Variants in AFF3 observed in about 807,000 individuals in gnomAD.
The protein encoded by AFF3 is AF4/FMR2 family member 3.
In AFF3, 32 loss-of-function variants were observed where a neutral mutation model predicts 129.7. That is an observed-to-expected ratio of 0.25 (90% confidence interval 0.19 to 0.33). The LOEUF (loss-of-function observed/expected upper bound fraction) is 0.33. AFF3 is among the 10% of genes least tolerant of loss of function. The pLI is 1.00. For missense variants in AFF3, 1,373 were observed against 1,592.0 expected (o/e 0.86, Z 2.34); for synonymous variants, 644 against 635.4 (o/e 1.01, Z -0.20).
intron 7 of AFF3, among the ~76,000 whole-genome samples, chr2:99,912,171 T>C (rs184585211): frequency 3.3e-4 from 51 of 152,322 alleles, no homozygotes; most frequent in Non-Finnish European, 6.0e-4. Context: ...GATTAGCCTA[T>C]AAAAGGAAGA....
chr2:100,015,491 C>T (rs191077291), intron 4 of AFF3, among the ~76,000 whole-genome samples: 430 of 152,238 alleles, frequency 2.8e-3, no homozygotes, highest in Non-Finnish European at 4.1e-3. Flanking sequence ...AGAGCAGCAG[C>T]GTAAGCACTG....
intron 13 of AFF3, among the ~76,000 whole-genome samples, chr2:99,627,086 G>GTATA (rs1414819790): frequency 1.3e-5 from 2 of 152,148 alleles, no homozygotes; most frequent in African/African-American, 2.4e-5. Context: ...ATTCCTTTGG[G>GTATA]TATATATCCA....
chr2:100,092,117 T>C (rs1689909866), intron 4 of AFF3, among the ~76,000 whole-genome samples: 1 of 152,152 alleles, frequency 6.6e-6, no homozygotes, highest in South Asian at 2.1e-4. Context: ...TCAGGATCTT[T>C]AGTAAACTTC....
chr2:99,812,501 G>A (rs973525156), intron 8 of AFF3, among the ~76,000 whole-genome samples: 4 of 152,078 alleles, frequency 2.6e-5, no homozygotes, highest in South Asian at 2.1e-4. Context: ...TCACGTACAC[G>A]GCATCGTCCA....
rs775385089 is a variant in AFF3, at chr2:100,006,960, C to T, written c.545G>A (p.Arg182Gln). 9.9e-6 allele frequency: 16 copies of T among 1,613,768 alleles called. No individual in the cohort carries two copies. Among genetic ancestry groups the T allele is most frequent in the Admixed American group, 3.3e-5 (2 of 60,000 alleles). The change falls in exon 7 of 25, where the codon CGG (arginine) becomes CAG (glutamine). Residue 182 changes from arginine (R) to glutamine (Q), a missense_variant. By Grantham distance (43) the Arg-to-Gln change is conservative (BLOSUM62 1). Transcript: ENST00000672756. Reference sequence around the variant, plus strand: ...CTCCACATTGCACACTTGTTTGGCCCGAGGCTGCTGTCTGCCAACACCATC... The same window carrying T: ...CTCCACATTGCACACTTGTTTGGCCTGAGGCTGCTGTCTGCCAACACCATC... ...LGDGVGRQQP[R>Q]AKQVCNVEVG...
At chr2:99,937,629 C>T (rs1162433046) in intron 7 of AFF3, among the ~76,000 whole-genome samples, 2 of 152,136 alleles carry the variant, frequency 1.3e-5, no homozygotes, top group African/African-American at 4.8e-5. Flanking sequence ...GAACTCCTGA[C>T]CTTGTGATCC....
At chr2:100,079,848 T>C (rs1440082658) in intron 4 of AFF3, among the ~76,000 whole-genome samples, 2 of 152,178 alleles carry the variant, frequency 1.3e-5, no homozygotes, top group African/African-American at 4.8e-5. Context: ...GTCAATAGAC[T>C]CACCACACAA....
intron 7 of AFF3, among the ~76,000 whole-genome samples, chr2:99,872,689 A>G (rs1691971903): frequency 6.6e-6 from 1 of 152,016 alleles, no homozygotes; most frequent in African/African-American, 2.4e-5. Flanking sequence ...TCTTTTACAC[A>G]TGAATAATTT....
rs149283211 is a variant in AFF3 at position 99,628,660 on chromosome 2, G to C, written c.1184+20966C>G. The stretch of plus-strand genomic sequence containing the variant: ...CAACTGCCACTTCCTGGGTTCCAGA[G>C]ATTCTCCTGCCTCAGCCTCCTGAGT... On this transcript the variant is annotated intron_variant, in intron 13 of 24. Transcript: ENST00000672756. Among the ~76,000 whole-genome samples the C allele has an allele frequency of 5.1e-3, 771 of 150,792 alleles. 5 individuals carry two copies. Among genetic ancestry groups the C allele is most frequent in the African/African-American group, 0.018 (725 of 40,968 alleles).
intron 4 of AFF3, among the ~76,000 whole-genome samples, chr2:100,015,720 G>C (rs1003720344): frequency 1.3e-5 from 2 of 152,230 alleles, no homozygotes; most frequent in Non-Finnish European, 2.9e-5. Context: ...CAGAAAGACA[G>C]TGAGCATGGG....
At chr2:100,069,707 A>G (rs750816970) in intron 4 of AFF3, among the ~76,000 whole-genome samples, 9 of 152,200 alleles carry the variant, frequency 5.9e-5, no homozygotes, top group Non-Finnish European at 8.8e-5. Flanking sequence ...TTGATACGAT[A>G]TAACTTGAAT....
At chr2:99,838,095 C>T (rs1473070267) in intron 7 of AFF3, among the ~76,000 whole-genome samples, 1 of 152,194 alleles carries the variant, frequency 6.6e-6, no homozygotes, top group East Asian at 1.9e-4. Context: ...GTCACTTGTT[C>T]TGTCACTCAG....
intron 7 of AFF3, among the ~76,000 whole-genome samples, chr2:99,893,299 T>C (rs1693707318): frequency 6.6e-6 from 1 of 152,220 alleles, no homozygotes; most frequent in Non-Finnish European, 1.5e-5. Flanking sequence ...TCACAGAGTG[T>C]GCTACACAGA....
At chr2:99,871,433 C>G (rs1288104805) in intron 7 of AFF3, among the ~76,000 whole-genome samples, 1 of 152,060 alleles carries the variant, frequency 6.6e-6, no homozygotes, top group Admixed American at 6.6e-5. Context: ...TTTCTCACCT[C>G]AATGAATTCT....
intron 7 of AFF3, among the ~76,000 whole-genome samples, chr2:99,859,515 GCTAA>G (rs1690810030): frequency 6.6e-6 from 1 of 152,144 alleles, no homozygotes; most frequent in African/African-American, 2.4e-5. Flanking sequence ...TTATGAATAT[GCTAA>G]CTAACCAGAT....
At chr2:99,890,528 G>A (rs1447211551) in intron 7 of AFF3, among the ~76,000 whole-genome samples, 10 of 152,226 alleles carry the variant, frequency 6.6e-5, no homozygotes, top group South Asian at 2.1e-4. Context: ...AGGCTTGACC[G>A]GGCACACTGA....
intron 8 of AFF3, among the ~76,000 whole-genome samples, chr2:99,759,068 A>G (rs1490729754): frequency 1.3e-5 from 2 of 152,184 alleles, no homozygotes; most frequent in East Asian, 3.8e-4. Flanking sequence ...CTTTTTATCC[A>G]TTAAGGCTCA....
At chr2:99,631,583 T>C (rs931288031) in intron 13 of AFF3, among the ~76,000 whole-genome samples, 1 of 152,222 alleles carries the variant, frequency 6.6e-6, no homozygotes, top group Non-Finnish European at 1.5e-5. Context: ...AGATACTGCA[T>C]ATAAGTGGAA....
chr2:99,942,553 G>A (rs1319259640), intron 7 of AFF3, among the ~76,000 whole-genome samples: 2 of 137,766 alleles, frequency 1.5e-5, no homozygotes, highest in Middle Eastern at 3.3e-3. Context: ...GGGGCGGGGG[G>A]GGGGTCGCGG....
Sources: gnomAD v4.1 joint callset for allele counts (sites outside exome capture counted in the v4.1 genomes callset) on GRCh38, gnomAD v4.1.1 for gene constraint, MANE v1.5 for transcripts, NCBI Gene and HGNC (gene_info 2026-07-23, HGNC 2026-07-21) for gene names.